KCNB2: variants seen among roughly 807,000 people sequenced by gnomAD.
KCNB2 encodes the protein potassium voltage-gated channel subfamily B member 2.
KCNB2 carries 15 observed loss-of-function variants against 61.5 expected under a neutral mutation model. That is an observed-to-expected ratio of 0.24 (90% CI 0.16 to 0.38). The LOEUF (loss-of-function observed/expected upper bound fraction) is 0.38. Among genes scored for constraint, KCNB2 ranks in the 10% least tolerant of loss-of-function variants. The pLI is 1.00. For synonymous variants in KCNB2, 457 were observed against 446.0 expected (o/e 1.02, Z -0.31); for missense variants, 828 against 1,125.2 (o/e 0.74, Z 3.78).
intron 1 of KCNB2, among the ~76,000 whole-genome samples, chr8:72,540,772 T>C (rs1806177333): frequency 1.3e-5 from 2 of 152,078 alleles, no homozygotes; most frequent in Non-Finnish European, 2.9e-5. Context: ...CCTTGACTTG[T>C]GTAAGCCAAA....
chr8:72,628,670 T>C (rs562247295), intron 2 of KCNB2, among the ~76,000 whole-genome samples: 1 of 152,304 alleles, frequency 6.6e-6, no homozygotes, highest in East Asian at 1.9e-4. Flanking sequence ...GTTGCCCCAG[T>C]ACCATGGGAA....
intron 2 of KCNB2, among the ~76,000 whole-genome samples, chr8:72,930,029 T>C (rs1806745370): frequency 6.9e-6 from 1 of 144,344 alleles, no homozygotes; most frequent in South Asian, 2.2e-4. Context: ...AATTCCCACC[T>C]ATGAGTGAAA....
chr8:72,749,724 T>C (rs1231380882), intron 2 of KCNB2, among the ~76,000 whole-genome samples: 1 of 146,708 alleles, frequency 6.8e-6, no homozygotes. Flanking sequence ...TATATATATA[T>C]AATATAATAC....
chr8:72,601,056 G>A (rs1036385939), intron 2 of KCNB2, among the ~76,000 whole-genome samples: 2 of 150,140 alleles, frequency 1.3e-5, no homozygotes, highest in Middle Eastern at 7.1e-3. Context: ...TCTGTATTTT[G>A]GTCTTAAGAC....
At chr8:72,603,879 A>G (rs1300672260) in intron 2 of KCNB2, among the ~76,000 whole-genome samples, 1 of 152,146 alleles carries the variant, frequency 6.6e-6, no homozygotes, top group African/African-American at 2.4e-5. Flanking sequence ...GGAGGTAGAA[A>G]TTGGCATGAT....
intron 2 of KCNB2, among the ~76,000 whole-genome samples, chr8:72,622,791 G>T (rs1300493274): frequency 1.3e-5 from 2 of 152,136 alleles, no homozygotes; most frequent in African/African-American, 4.8e-5. Flanking sequence ...TTTGAAGTGG[G>T]TTTATCTCCG....
At chr8:72,925,362 C>T (rs1025089992) in intron 2 of KCNB2, among the ~76,000 whole-genome samples, 1 of 152,170 alleles carries the variant, frequency 6.6e-6, no homozygotes, top group African/African-American at 2.4e-5. Context: ...TTTCAGGGGA[C>T]AGCTAGTATA....
intron 2 of KCNB2, among the ~76,000 whole-genome samples, chr8:72,816,904 T>C (rs1000411850): frequency 6.6e-6 from 1 of 152,090 alleles, no homozygotes; most frequent in Admixed American, 6.6e-5. Flanking sequence ...TGGAAGAAAC[T>C]GTTCTTTGAT....
intron 2 of KCNB2, among the ~76,000 whole-genome samples, chr8:72,667,094 T>C (rs554825773): frequency 1.3e-4 from 20 of 152,246 alleles, no homozygotes; most frequent in African/African-American, 4.6e-4. Flanking sequence ...GCAAGTTATG[T>C]AAATTCTCTA....
At chr8:72,662,863 G>A (rs548784308) in intron 2 of KCNB2, among the ~76,000 whole-genome samples, 1 of 152,276 alleles carries the variant, frequency 6.6e-6, no homozygotes, top group South Asian at 2.1e-4. Context: ...TCAAGAGTGT[G>A]CAATTCAACT....
chr8:72,642,786 G>A (rs192123084), intron 2 of KCNB2, among the ~76,000 whole-genome samples: 5 of 152,160 alleles, frequency 3.3e-5, no homozygotes, highest in African/African-American at 4.8e-5. Flanking sequence ...TTCTTTGTTC[G>A]GAGCAAAATT....
intron 2 of KCNB2, among the ~76,000 whole-genome samples, chr8:72,600,716 C>T (rs1807285200): frequency 6.6e-6 from 1 of 152,002 alleles, no homozygotes; most frequent in Admixed American, 6.6e-5. Context: ...AGACTATTAT[C>T]CTTAGCAAAC....
At chr8:72,679,958 T>TG (rs1010542857) in intron 2 of KCNB2, among the ~76,000 whole-genome samples, 31 of 152,348 alleles carry the variant, frequency 2.0e-4, no homozygotes, top group African/African-American at 6.3e-4. Context: ...CACTGTGTAA[T>TG]GGGTCCTGTT....
chr8:72,748,953 A>C (rs1187772543), intron 2 of KCNB2, among the ~76,000 whole-genome samples: 3 of 151,998 alleles, frequency 2.0e-5, no homozygotes, highest in Non-Finnish European at 2.9e-5. Flanking sequence ...TCTTGAACTT[A>C]TTCCTCCCGT....
At chr8:72,666,652 GTTTT>G (rs35646824) in intron 2 of KCNB2, among the ~76,000 whole-genome samples, 3 of 119,208 alleles carry the variant, frequency 2.5e-5, no homozygotes, top group Admixed American at 8.2e-5. Context: ...AAAATAAAAA[GTTTT>G]TTTTTTTTTT....
At chr8:72,785,188 T>C (rs1291040093) in intron 2 of KCNB2, among the ~76,000 whole-genome samples, 1 of 152,148 alleles carries the variant, frequency 6.6e-6, no homozygotes, top group Non-Finnish European at 1.5e-5. Flanking sequence ...ACAAACCCCA[T>C]TTTAGAAATT....
intron 2 of KCNB2, among the ~76,000 whole-genome samples, chr8:72,890,527 C>T (rs1474203124): frequency 2.6e-5 from 4 of 152,320 alleles, no homozygotes; most frequent in Middle Eastern, 3.4e-3. Flanking sequence ...GTCCCTTCCC[C>T]GGTCCCATCA....
At position 72,938,141 on chromosome 8, in the gene KCNB2, G is replaced by C; in HGVS notation, c.*50G>C. On this transcript the variant is annotated 3_prime_UTR_variant, in exon 3 of 3. Coordinates refer to ENST00000523207, the MANE Select transcript of KCNB2 (RefSeq NM_004770.3). ...AACAAAACAAAACAAAACAAAACTT[G>C]TTTCTTAAAAATGCGGTTAATAATG... is the stretch of plus-strand genomic sequence containing the variant. The C allele has an allele frequency of 6.9e-7, 1 of 1,441,602 alleles. No homozygotes were observed. Among genetic ancestry groups the C allele is most frequent in the Non-Finnish European group, 9.4e-7 (1 of 1,060,402 alleles). 89.3% of individuals were successfully genotyped at this position (1,441,602 alleles called of 1,614,324 possible). A position where few individuals can be genotyped will look rare whatever the true frequency, so the allele number is the denominator to read the frequency against.
intron 2 of KCNB2, among the ~76,000 whole-genome samples, chr8:72,812,185 C>A (rs996544210): frequency 6.6e-6 from 1 of 151,842 alleles, no homozygotes; most frequent in Non-Finnish European, 1.5e-5. Flanking sequence ...TTGCTTAAAC[C>A]GGGACCTGGG....
Sources: allele counts gnomAD v4.1 joint callset (sites outside exome capture counted in the v4.1 genomes callset), GRCh38; gene constraint gnomAD v4.1.1; transcripts MANE v1.5; gene names NCBI Gene and HGNC (gene_info 2026-07-23, HGNC 2026-07-21).